The following MIR2052HG variants were observed in gnomAD, a reference collection of about 807,000 sequenced individuals.
MIR2052HG encodes MIR2052 host gene.
intron 4 of MIR2052HG, among the ~76,000 whole-genome samples, chr8:74,733,842 G>A (rs1359949405): frequency 6.6e-6 from 1 of 151,018 alleles, no homozygotes; most frequent in African/African-American, 2.4e-5. Context: ...GTGATGGTGA[G>A]CATTTTTTCA....
At chr8:74,708,223 G>C (rs923549277) in intron 4 of MIR2052HG, among the ~76,000 whole-genome samples, 1 of 152,094 alleles carries the variant, frequency 6.6e-6, no homozygotes, top group African/African-American at 2.4e-5. Context: ...TCTGCCAAAG[G>C]AGTCATCATC....
intron 4 of MIR2052HG, chr8:74,705,673 C>T (rs575653216): frequency 1.8e-5 from 3 of 170,288 alleles, no homozygotes; most frequent in African/African-American, 4.8e-5. Context: ...TCAGTTTCTA[C>T]TTCCAAGAAA....
chr8:74,699,386 A>C (rs1344674017), intron 2 of MIR2052HG, among the ~76,000 whole-genome samples: 1 of 146,934 alleles, frequency 6.8e-6, no homozygotes, highest in Non-Finnish European at 1.5e-5. Context: ...GGATAAAGAA[A>C]ATGTAGTATG....
At chr8:74,724,180 C>A (rs1809610355) in intron 4 of MIR2052HG, among the ~76,000 whole-genome samples, 1 of 151,698 alleles carries the variant, frequency 6.6e-6, no homozygotes, top group Non-Finnish European at 1.5e-5. Context: ...TGAAGTAAAA[C>A]AAATTTGTCA....
At chr8:74,634,118 A>T (rs1207685606) in intron 2 of MIR2052HG, among the ~76,000 whole-genome samples, 1 of 152,232 alleles carries the variant, frequency 6.6e-6, no homozygotes, top group Non-Finnish European at 1.5e-5. Context: ...ACTTGTAGAA[A>T]GCATGCTTGC....
chr8:74,641,767 A>C (rs1335158841), intron 2 of MIR2052HG, among the ~76,000 whole-genome samples: 1 of 152,208 alleles, frequency 6.6e-6, no homozygotes, highest in Non-Finnish European at 1.5e-5. Context: ...ACAGATTGTA[A>C]TAGAAAAATA....
At chr8:74,731,530 C>T (rs1206621634) in intron 4 of MIR2052HG, among the ~76,000 whole-genome samples, 1 of 152,030 alleles carries the variant, frequency 6.6e-6, no homozygotes, top group Non-Finnish European at 1.5e-5. Flanking sequence ...GCAGAGTGGA[C>T]CTATGACCAT....
intron 4 of MIR2052HG, among the ~76,000 whole-genome samples, chr8:74,724,729 C>T (rs1484120458): frequency 6.6e-6 from 1 of 152,192 alleles, no homozygotes; most frequent in East Asian, 1.9e-4. Flanking sequence ...TTTGTGAGTT[C>T]TTGCCTTCAA....
intron 2 of MIR2052HG, among the ~76,000 whole-genome samples, chr8:74,689,955 G>C (rs567991953): frequency 1.6e-4 from 25 of 152,258 alleles, no homozygotes; most frequent in African/African-American, 5.8e-4. Flanking sequence ...CTATGGGCCA[G>C]ACATGTAAGA....
intron 2 of MIR2052HG, among the ~76,000 whole-genome samples, chr8:74,683,639 G>A (rs1233465278): frequency 1.3e-5 from 2 of 151,938 alleles, no homozygotes; most frequent in South Asian, 2.1e-4. Flanking sequence ...GATAATACTG[G>A]TGCCATTCTT....
In MIR2052HG at chr8:74,613,722, C is replaced by G. The variant is rs372205786; in HGVS notation, n.216+782C>G. ...AGCTGGTCTTGAACTCCAGACCTCA[C>G]GTGATCCACCCGACTCCGCCTCCCA... On this transcript the variant is annotated intron_variant and non_coding_transcript_variant, in intron 2 of 6. Transcript: ENST00000523442. 1.3e-4 allele frequency among the ~76,000 whole-genome samples: 20 copies of G among 152,252 alleles called. No homozygotes were observed. The South Asian group carries it at 3.3e-3, about 25-fold the overall frequency.
At chr8:74,693,086 G>A (rs533941146) in intron 2 of MIR2052HG, among the ~76,000 whole-genome samples, 9 of 152,278 alleles carry the variant, frequency 5.9e-5, no homozygotes, top group Admixed American at 1.3e-4. Context: ...GGTATGTGGC[G>A]TCAGAAAACA....
At chr8:74,665,141 T>C (rs1417124888) in intron 2 of MIR2052HG, among the ~76,000 whole-genome samples, 1 of 152,196 alleles carries the variant, frequency 6.6e-6, no homozygotes, top group Non-Finnish European at 1.5e-5. Context: ...ACACTTACCA[T>C]CTTCTCCAGA....
intron 5 of MIR2052HG, among the ~76,000 whole-genome samples, chr8:74,753,082 GAC>G (rs1234970659): frequency 6.6e-6 from 1 of 152,190 alleles, no homozygotes; most frequent in Non-Finnish European, 1.5e-5. Flanking sequence ...GTTGCTGAAA[GAC>G]GTTCAGAAAT....
At chr8:74,683,409 A>G (rs1202351751) in intron 2 of MIR2052HG, among the ~76,000 whole-genome samples, 2 of 152,100 alleles carry the variant, frequency 1.3e-5, no homozygotes, top group African/African-American at 4.8e-5. Flanking sequence ...CAAGCTGTAA[A>G]CTATATAATA....
intron 2 of MIR2052HG, among the ~76,000 whole-genome samples, chr8:74,623,227 A>C (rs1808388995): frequency 6.6e-6 from 1 of 152,242 alleles, no homozygotes; most frequent in Admixed American, 6.5e-5. Flanking sequence ...ATATACATAC[A>C]TTAAAACATT....
intron 4 of MIR2052HG, among the ~76,000 whole-genome samples, chr8:74,721,508 T>C (rs1270328442): frequency 6.6e-6 from 1 of 152,212 alleles, no homozygotes; most frequent in Non-Finnish European, 1.5e-5. Context: ...AAAAGGCCTC[T>C]TATCTGTTGG....
intron 4 of MIR2052HG, among the ~76,000 whole-genome samples, chr8:74,744,538 A>C (rs1809863559): frequency 6.7e-6 from 1 of 149,180 alleles, no homozygotes; most frequent in Non-Finnish European, 1.5e-5. Context: ...ATGTGATCTC[A>C]TTGTTCAATT....
At chr8:74,756,895 T>G (rs781693839) in intron 5 of MIR2052HG, 6 of 152,200 alleles carry the variant, frequency 3.9e-5, no homozygotes, top group Non-Finnish European at 7.3e-5. Context: ...TATGAACAAG[T>G]GAACCTGAAT....
Sources: gnomAD v4.1 joint callset for allele counts (sites outside exome capture counted in the v4.1 genomes callset) on GRCh38, gnomAD v4.1.1 for gene constraint, MANE v1.5 for transcripts, NCBI Gene and HGNC (gene_info 2026-07-23, HGNC 2026-07-21) for gene names.